MAP3K13: variants seen among roughly 807,000 people sequenced by gnomAD.
MAP3K13 encodes leucine zipper-bearing kinase.
MAP3K13 carries 52 observed loss-of-function variants against 104.0 expected under a neutral mutation model. The ratio of observed to expected loss-of-function variants is 0.50; its 90% confidence interval spans 0.40 to 0.63. The LOEUF is 0.63. MAP3K13 is among the 20% of genes least tolerant of loss of function. The pLI, the probability that MAP3K13 is intolerant of heterozygous loss-of-function variation, is 0.00. For missense variants in MAP3K13, 914 were observed against 1,218.5 expected, an observed-to-expected ratio of 0.75 and a Z score of 3.72; for synonymous variants, 394 against 442.2, an observed-to-expected ratio of 0.89 and a Z score of 1.37.
chr3:185,396,242 G>A (rs926645546), intron 1 of MAP3K13, among the ~76,000 whole-genome samples: 2 of 151,976 alleles, frequency 1.3e-5, no homozygotes, highest in Admixed American at 6.6e-5. Context: ...GTGGTGGTGC[G>A]CATCTGTAGT....
intron 1 of MAP3K13, among the ~76,000 whole-genome samples, chr3:185,386,657 C>T (rs956422306): frequency 1.3e-5 from 2 of 152,176 alleles, no homozygotes; most frequent in African/African-American, 4.8e-5. Context: ...ACCTAAATGC[C>T]CATCAATGAT....
intron 1 of MAP3K13, among the ~76,000 whole-genome samples, chr3:185,380,375 G>T (rs1383140617): frequency 2.0e-5 from 3 of 150,786 alleles, no homozygotes; most frequent in Middle Eastern, 3.5e-3. Flanking sequence ...ACTGGGCATG[G>T]TGTTGCGTGC....
At position 185,454,718 on chromosome 3, in the gene MAP3K13, T is replaced by G. The variant is rs1475691353; in HGVS notation, c.1278+3323T>G. 6.1e-4 allele frequency among the ~76,000 whole-genome samples: 14 copies of G among 22,780 alleles called. 3 individuals are homozygous for G. The highest frequency in any genetic ancestry group is 1.6e-3 in the Admixed American group (2 of 1,220). 14.9% of individuals were successfully genotyped at this position (22,780 alleles called of 152,430 possible). On this transcript the variant is annotated intron_variant, in intron 7 of 13. Coordinates refer to ENST00000265026, the MANE Select transcript of MAP3K13 (RefSeq NM_004721.5). Reference sequence around the variant, plus strand: ...TGAGATATATATATCATATATGAGATATATATGATATATATGATATATATA... The same window carrying G: ...TGAGATATATATATCATATATGAGAGATATATGATATATATGATATATATA...
intron 2 of MAP3K13, among the ~76,000 whole-genome samples, chr3:185,295,091 C>T (rs953749673): frequency 1.1e-4 from 16 of 152,154 alleles, no homozygotes; most frequent in African/African-American, 2.9e-4. Context: ...CCTTAGAATT[C>T]AGCCCCAAAT....
At chr3:185,308,041 C>CT in intron 2 of MAP3K13, among the ~76,000 whole-genome samples, 1 of 101,058 alleles carries the variant, frequency 9.9e-6, no homozygotes, top group Admixed American at 1.1e-4. Flanking sequence ...TTGAGACTTA[C>CT]TTTGTTCCCT....
At chr3:185,456,790 C>T (rs1303499180) in intron 7 of MAP3K13, among the ~76,000 whole-genome samples, 1 of 151,746 alleles carries the variant, frequency 6.6e-6, no homozygotes, top group African/African-American at 2.4e-5. Flanking sequence ...TTAGTAGAGA[C>T]AGGTTTCACC....
chr3:185,286,837 A>G (rs566173405), intron 2 of MAP3K13, among the ~76,000 whole-genome samples: 26 of 152,136 alleles, frequency 1.7e-4, no homozygotes, highest in Admixed American at 1.5e-3. Context: ...CATTTTTTCC[A>G]TATACTATTT....
At position 185,465,729 on chromosome 3, in the gene MAP3K13, CTG is replaced by C. The variant is rs754394411; in HGVS notation, c.1389-14_1389-13del. 6 of 1,588,684 alleles carry C rather than the reference CTG, an allele frequency of 3.8e-6. No individual in the cohort carries two copies. Among genetic ancestry groups the C allele is most frequent in the Non-Finnish European group, 5.2e-6 (6 of 1,157,150 alleles). On this transcript the variant is annotated splice_polypyrimidine_tract_variant and intron_variant, in intron 8 of 13. Coordinates refer to ENST00000265026, the MANE Select transcript of MAP3K13 (RefSeq NM_004721.5). Reference sequence around the variant, plus strand: ...CCGAAGTTGGTTGGCTGGGCTGACCCTGTGTTTTCTCTGACAGGCATGCGCTG... The same window carrying C: ...CCGAAGTTGGTTGGCTGGGCTGACCCTGTTTTCTCTGACAGGCATGCGCTG...
intron 1 of MAP3K13, among the ~76,000 whole-genome samples, chr3:185,370,693 G>C (rs1415071873): frequency 1.4e-5 from 2 of 143,880 alleles, no homozygotes; most frequent in South Asian, 4.5e-4. Flanking sequence ...ACACCTTTAG[G>C]CATGCCCATT....
At chr3:185,348,936 T>C (rs1162940678) in intron 2 of MAP3K13, among the ~76,000 whole-genome samples, 2 of 151,286 alleles carry the variant, frequency 1.3e-5, no homozygotes, top group African/African-American at 2.4e-5. Context: ...AACAAATAAA[T>C]AAATAAATAA....
intron 7 of MAP3K13, among the ~76,000 whole-genome samples, chr3:185,455,652 T>TGAC (rs1560120169): frequency 1.6e-4 from 10 of 63,966 alleles, no homozygotes; most frequent in African/African-American, 4.8e-4. Flanking sequence ...ATGAGATATA[T>TGAC]ATATGATATA....
chr3:185,473,130 G>A lies in MAP3K13; in HGVS notation c.1799G>A (p.Ser600Asn), dbSNP rs1352383968. ...HRRGNSRGSH[S>N]DFAAILKNQP... ...CGAGGGAATAGCAGAGGCAGCCATA[G>A]TGACTTTGCCGCAATCTTGAAAAAC... The change falls in exon 11 of 14, where the codon AGT becomes AAT. Residue 600 changes from serine to asparagine, a missense_variant. Transcript: ENST00000265026. This position sits in a 1 kb window ranked among gnomAD's most constrained non-coding sequence, Gnocchi z 4.9. The A allele has an allele frequency of 6.2e-7, 1 of 1,614,042 alleles. No homozygotes were observed. Among genetic ancestry groups the A allele is most frequent in the Non-Finnish European group, 8.5e-7 (1 of 1,180,036 alleles).
intron 1 of MAP3K13, among the ~76,000 whole-genome samples, chr3:185,367,861 G>A (rs772746321): frequency 1.3e-5 from 2 of 152,198 alleles, no homozygotes; most frequent in African/African-American, 2.4e-5. Flanking sequence ...CTTCCACAAT[G>A]TTGTAATTAC....
chr3:185,368,713 C>G (rs35711701), intron 1 of MAP3K13, among the ~76,000 whole-genome samples: 2 of 152,068 alleles, frequency 1.3e-5, no homozygotes, highest in African/African-American at 4.8e-5. Flanking sequence ...GCCCAGCACT[C>G]TGAGAGGCCA....
At chr3:185,339,648 G>C (rs555289167) in intron 2 of MAP3K13, among the ~76,000 whole-genome samples, 1 of 152,194 alleles carries the variant, frequency 6.6e-6, no homozygotes, top group Non-Finnish European at 1.5e-5. Context: ...AGTCTCTGTA[G>C]CAACTACCTA....
At position 185,349,739 on chromosome 3, in the gene MAP3K13, A is replaced by G. The variant is rs538081442; in HGVS notation, c.-86+64096A>G. On this transcript the variant is annotated intron_variant, in intron 2 of 14. Coordinates refer to the MAP3K13 transcript ENST00000424227. ...AGATCTCAGCTCAGTGCTAGCACAT[A>G]CCAAGTGCTCTGAACTGTCTCCTGA... is the stretch of plus-strand genomic sequence containing the variant. Among the ~76,000 whole-genome samples the G allele has an allele frequency of 6.6e-5, 10 of 152,326 alleles. No individual in the cohort carries two copies. The South Asian group carries it at 1.9e-3, about 28-fold the overall frequency.
chr3:185,395,408 G>T (rs1712336171), intron 1 of MAP3K13, among the ~76,000 whole-genome samples: 1 of 59,082 alleles, frequency 1.7e-5, no homozygotes, highest in Non-Finnish European at 3.1e-5. Context: ...GCCCAGGCTG[G>T]AGTGCAGTGG....
At chr3:185,360,818 CTTTTTTTT>C (rs532196266), upstream of MAP3K13, among the ~76,000 whole-genome samples, 3 of 78,088 alleles carry the variant, frequency 3.8e-5, no homozygotes, top group Admixed American at 1.7e-4. Context: ...ACAGCTTTAG[CTTTTTTTT>C]TTTTTTTTTT....
rs372516215 is a variant in MAP3K13 at position 185,485,017 on chromosome 3, A to G, written c.*2561A>G. The G allele has an allele frequency of 4.6e-5, 7 of 152,140 alleles. No individual in the cohort carries two copies. The highest frequency in any genetic ancestry group is 7.2e-5 in the African/African-American group (3 of 41,430). The allele number at this position is 152,140 out of a possible 1,614,324, so 9.4% of individuals were successfully genotyped here. A position where few individuals can be genotyped will look rare whatever the true frequency, so the allele number is the denominator to read the frequency against. On this transcript the variant is annotated 3_prime_UTR_variant, in exon 14 of 14. Transcript: ENST00000265026. The stretch of plus-strand genomic sequence containing the variant: ...GACGCATGTTCTGCCCTGAAGCCCA[A>G]TGGATACATTGTGATTTTGACTTGA...
Sources: gnomAD v4.1 joint callset for allele counts (sites outside exome capture counted in the v4.1 genomes callset) on GRCh38, gnomAD v4.1.1 for gene constraint, Gnocchi (gnomAD v3.1) non-coding constraint, MANE v1.5 for transcripts, NCBI Gene and HGNC (gene_info 2026-07-23, HGNC 2026-07-21) for gene names.